Variants in KIF20B observed in about 807,000 individuals in gnomAD.
The protein encoded by KIF20B is kinesin family member 20B.
A neutral mutation model predicts 232.5 loss-of-function variants in KIF20B; 188 were observed. The observed-to-expected ratio is 0.81, with a 90% CI of 0.72 to 0.91. The LOEUF is 0.91. KIF20B is among the 40% of genes least tolerant of loss of function. The pLI, the probability that KIF20B is intolerant of heterozygous loss-of-function variation, is 0.00. For synonymous variants in KIF20B, 712 were observed against 683.0 expected (o/e 1.04, Z -0.66); for missense variants, 2,154 against 2,055.9 (o/e 1.05, Z -0.92).
intron 20 of KIF20B, 145 bp downstream of exon 20, chr10:89,738,762 A>G (rs1841727242): frequency 2.5e-6 from 3 of 1,186,772 alleles, no homozygotes; most frequent in Non-Finnish European, 3.4e-6. Flanking sequence ...GTCCATATAA[A>G]CCTTTGGACC....
rs747034628 is a variant in KIF20B at position 89,738,376 on chromosome 10, C to A, written c.3535C>A (p.His1179Asn). Residue 1179 changes from histidine (H) to asparagine (N), a missense_variant, in exon 20 of 33, where the codon CAT (histidine) becomes AAT (asparagine). His to Asn is a moderately conservative substitution (Grantham distance 68, BLOSUM62 1). Transcript: ENST00000371728. ...AGAGACTCAGAAAGTTGAATGTAGTCATTCAGCCAAGTTAGAACAAGACAT... is the reference window on the plus strand; with the variant it reads ...AGAGACTCAGAAAGTTGAATGTAGTAATTCAGCCAAGTTAGAACAAGACAT... ...ILETQKVECS[H>N]SAKLEQDILE... 1.9e-6 allele frequency: 3 copies of A among 1,606,256 alleles called. No individual in the cohort carries two copies. The highest frequency in any genetic ancestry group is 2.3e-5 in the South Asian group (2 of 88,608).
At position 89,754,540 on chromosome 10, in the gene KIF20B, C is replaced by G; in HGVS notation, c.4370C>G (p.Ala1457Gly). 1 of 1,595,074 alleles carries G rather than the reference C, an allele frequency of 6.3e-7. No homozygotes were observed. Among genetic ancestry groups the G allele is most frequent in the South Asian group, 1.1e-5 (1 of 87,420 alleles). The change falls in exon 26 of 33, where the codon GCT becomes GGT. Residue 1457 changes from alanine to glycine, a missense_variant. Ala to Gly is a moderately conservative substitution (Grantham distance 60, BLOSUM62 0). Transcript: ENST00000371728. ...ELQESEQKYN[A>G]DRKKWLEEKM... Reference sequence around the variant, plus strand: ...CAGGAGTCTGAACAGAAATATAATGCTGATAGAAAGAAATGGTTAGAAGAA... The same window carrying G: ...CAGGAGTCTGAACAGAAATATAATGGTGATAGAAAGAAATGGTTAGAAGAA...
chr10:89,736,503 A>G (rs1424542630), intron 19 of KIF20B, among the ~76,000 whole-genome samples: 1 of 152,164 alleles, frequency 6.6e-6, no homozygotes, highest in Non-Finnish European at 1.5e-5. Context: ...TATAATGGCT[A>G]AAGTTCTTAC....
At chr10:89,722,889 C>G (rs980255164) in intron 13 of KIF20B, among the ~76,000 whole-genome samples, 1 of 152,094 alleles carries the variant, frequency 6.6e-6, no homozygotes, top group Non-Finnish European at 1.5e-5. Context: ...TTATATATTA[C>G]TGTTTTGTAA....
intron 32 of KIF20B, among the ~76,000 whole-genome samples, 156 bp downstream of exon 32, chr10:89,772,987 T>C (rs1346021198): frequency 1.3e-5 from 2 of 152,144 alleles, no homozygotes; most frequent in African/African-American, 2.4e-5. Flanking sequence ...ACTAATTAAA[T>C]ATAAATACTG....
chr10:89,738,064 A>G lies in KIF20B; in HGVS notation c.3223A>G (p.Ser1075Gly), dbSNP rs745385361. The change falls in exon 20 of 33, where the codon AGT (serine) becomes GGT (glycine). Residue 1075 changes from serine to glycine, a missense_variant. Transcript: ENST00000371728. ...GATTGTGAAGGCCTCTTCCAAAAAAAGTCATCAGATTGAGGAACTGGAACA... is the reference window on the plus strand; with the variant it reads ...GATTGTGAAGGCCTCTTCCAAAAAAGGTCATCAGATTGAGGAACTGGAACA... ...KEIVKASSKK[S>G]HQIEELEQQI... 1 of 1,613,372 alleles carries G rather than the reference A, an allele frequency of 6.2e-7. No individual in the cohort carries two copies. Among genetic ancestry groups the G allele is most frequent in the Non-Finnish European group, 8.5e-7 (1 of 1,179,656 alleles).
At chr10:89,763,148 G>A (rs879741289) in intron 29 of KIF20B, among the ~76,000 whole-genome samples, 2 of 152,064 alleles carry the variant, frequency 1.3e-5, no homozygotes, top group Non-Finnish European at 2.9e-5. Flanking sequence ...AGGAGTGGTG[G>A]TGCACACCTC....
chr10:89,729,083 T>C (rs745912181), intron 17 of KIF20B, 45 bp from the exon 18 acceptor site: 3 of 1,287,450 alleles, frequency 2.3e-6, no homozygotes, highest in East Asian at 3.1e-5. Context: ...ATTCTAGTTA[T>C]CCTAAAGTAT....
At chr10:89,770,652 A>G (rs1842444184) in intron 31 of KIF20B, among the ~76,000 whole-genome samples, 1 of 151,786 alleles carries the variant, frequency 6.6e-6, no homozygotes, top group Admixed American at 6.6e-5. Context: ...CTAGAAATAT[A>G]AGATATCCCT....
At chr10:89,749,118 TTC>T (rs1193321603) in intron 23 of KIF20B, among the ~76,000 whole-genome samples, 2 of 152,216 alleles carry the variant, frequency 1.3e-5, no homozygotes, top group Non-Finnish European at 2.9e-5. Flanking sequence ...GTTACCACTT[TTC>T]TCTCAGAATG....
intron 23 of KIF20B, among the ~76,000 whole-genome samples, chr10:89,749,735 C>T (rs73384964): frequency 0.041 from 6,277 of 152,136 alleles, 371 homozygotes; most frequent in African/African-American, 0.13. Context: ...TGTATGTATC[C>T]GTACTTTATT....
chr10:89,772,465 CT>C (rs1017946226), intron 31 of KIF20B, among the ~76,000 whole-genome samples: 27 of 150,690 alleles, frequency 1.8e-4, no homozygotes, highest in Middle Eastern at 3.4e-3. Context: ...ACTTTATTTG[CT>C]TTTTTTTTGC....
At chr10:89,717,526 TTG>T (rs1343907606) in intron 10 of KIF20B, 31 bp downstream of exon 10, 3 of 1,582,790 alleles carry the variant, frequency 1.9e-6, no homozygotes, top group South Asian at 1.1e-5. Context: ...ATTTAATTAT[TTG>T]TAATTGTTTT....
chr10:89,717,841 GT>G, intron 11 of KIF20B, 119 bp downstream of exon 11: 1 of 598,124 alleles, frequency 1.7e-6, no homozygotes, highest in Non-Finnish European at 2.8e-6. Flanking sequence ...TAATGACTGT[GT>G]ATAGATTGTG....
chr10:89,737,339 GT>G, intron 19 of KIF20B, 47 bp from the exon 20 acceptor site: 1 of 1,407,028 alleles, frequency 7.1e-7, no homozygotes, highest in Non-Finnish European at 9.3e-7. Flanking sequence ...TGACTTTTTG[GT>G]TTTATTAAGG....
At chr10:89,716,344 A>G (rs1842933180) in intron 8 of KIF20B, 92 bp from the exon 9 acceptor site, 3 of 597,648 alleles carry the variant, frequency 5.0e-6, no homozygotes, top group Admixed American at 3.6e-5. Flanking sequence ...ATTTCATTAT[A>G]TGTCACTAGG....
intron 1 of KIF20B, 83 bp downstream of exon 1, chr10:89,701,763 T>C (rs1842613881): frequency 6.6e-6 from 1 of 152,210 alleles, no homozygotes; most frequent in Non-Finnish European, 1.5e-5. Flanking sequence ...GAAACGGCTT[T>C]GGCAATGTGG....
At chr10:89,749,753 A>C (rs1238417942) in intron 23 of KIF20B, among the ~76,000 whole-genome samples, 4 of 152,156 alleles carry the variant, frequency 2.6e-5, no homozygotes, top group Non-Finnish European at 4.4e-5. Context: ...ATTCCTTGCT[A>C]TGGCTGAATA....
In KIF20B at chr10:89,732,931, T is replaced by G; in HGVS notation, c.2420T>G (p.Ile807Arg). 1 of 1,604,678 alleles carries G rather than the reference T, an allele frequency of 6.2e-7. No individual in the cohort carries two copies. Among genetic ancestry groups the G allele is most frequent in the Non-Finnish European group, 8.5e-7 (1 of 1,174,852 alleles). The part of the protein sequence containing the change: ...NDKADTSSLI[I>R]NNKLICNETV... ...AAGGCTGATACATCTTCTTTAATAA[T>G]AAACAATAAATTGATTTGTAATGAA... The change falls in exon 19 of 33, where the codon ATA (isoleucine) becomes AGA (arginine). Residue 807 changes from isoleucine (I) to arginine (R), a missense_variant. Ile to Arg is a moderately conservative substitution (Grantham distance 97). Transcript: ENST00000371728.
Sources: allele counts gnomAD v4.1 joint callset (sites outside exome capture counted in the v4.1 genomes callset), GRCh38; gene constraint gnomAD v4.1.1; transcripts MANE v1.5; gene names NCBI Gene and HGNC (gene_info 2026-07-23, HGNC 2026-07-21).